Variants in INSC observed in about 807,000 individuals in gnomAD.
INSC encodes the protein INSC spindle orientation adaptor protein, also known as protein inscuteable homolog.
A neutral mutation model predicts 58.6 loss-of-function variants in INSC; 67 were observed. The ratio of observed to expected loss-of-function variants is 1.14; its 90% CI spans 0.94 to 1.40. The LOEUF (loss-of-function observed/expected upper bound fraction) is 1.40. Among genes scored for constraint, INSC ranks in the 40% most tolerant of loss-of-function variants. The probability of loss-of-function intolerance (pLI) is 0.00; values close to 1 mark genes in which losing one functional copy is unlikely to be tolerated. For synonymous variants in INSC, 262 were observed against 276.1 expected (o/e 0.95, Z 0.51); for missense variants, 714 against 692.0 (o/e 1.03, Z -0.36).
At chr11:15,172,630 G>A (rs1849439664) in intron 2 of INSC, among the ~76,000 whole-genome samples, 1 of 152,200 alleles carries the variant, frequency 6.6e-6, no homozygotes, top group Non-Finnish European at 1.5e-5. Flanking sequence ...GTCTTGCAGG[G>A]TGAGTAGAAA....
chr11:15,266,901 A>T, the INSC span, among the ~76,000 whole-genome samples: 4 of 152,110 alleles, frequency 2.6e-5, no homozygotes, highest in South Asian at 4.1e-4. Context: ...CTCAGAGATG[A>T]TGGGCTATAT....
chr11:15,140,560 T>C (rs1158756882), intron 1 of INSC, among the ~76,000 whole-genome samples: 2 of 151,940 alleles, frequency 1.3e-5, no homozygotes, highest in Admixed American at 1.3e-4. Flanking sequence ...GTCTTATTCT[T>C]TTTTTTGATT....
chr11:15,179,400 A>C (rs1294818048), intron 5 of INSC, among the ~76,000 whole-genome samples: 1 of 152,246 alleles, frequency 6.6e-6, no homozygotes, highest in African/African-American at 2.4e-5. Flanking sequence ...CCACCAAATA[A>C]AAGCCTACCA....
Position 15,240,407 on chromosome 11 carries a change from C to T in INSC, c.1394-40C>T, listed in dbSNP as rs572007538. 55 of 1,575,434 alleles carry T rather than the reference C, an allele frequency of 3.5e-5. No individual in the cohort carries two copies. In the South Asian group the frequency reaches 5.4e-4, roughly 15 times the overall value. On this transcript the variant is annotated intron_variant, in intron 11 of 12. Coordinates refer to ENST00000379556, the MANE Select transcript of INSC (RefSeq NM_001042536.3). ...AACCTCTGGGTCAGGCCTGGCTGGG[C>T]CCTGTCCTGGGCCTGAGGCTCTCCC...
In INSC at chr11:15,222,208, T is replaced by C. The variant is rs534590324; in HGVS notation, c.991+560T>C. Among the ~76,000 whole-genome samples the C allele has an allele frequency of 1.1e-4, 16 of 152,314 alleles. 2 individuals carry two copies. The highest frequency in any genetic ancestry group is 3.8e-4 in the African/African-American group (16 of 41,576). ...CCAGCAGGAGAATCATAGATCCGTA[T>C]CTAAAATATGCTCTTTTCTTAGTTT... On this transcript the variant is annotated intron_variant, in intron 8 of 12. Coordinates refer to ENST00000379556, the MANE Select transcript of INSC (RefSeq NM_001042536.3).
chr11:15,175,604 A>G, intron 2 of INSC, 137 bp from the exon 3 acceptor site: 1 of 551,684 alleles, frequency 1.8e-6, no homozygotes, highest in Non-Finnish European at 3.0e-6. Flanking sequence ...AATGACTGAG[A>G]ATATCAAGGT....
the INSC span, among the ~76,000 whole-genome samples, chr11:15,259,076 T>G: frequency 6.6e-6 from 1 of 152,288 alleles, no homozygotes; most frequent in African/African-American, 2.4e-5. Flanking sequence ...AAAGTTACTG[T>G]GTGGACATCT....
intron 2 of INSC, among the ~76,000 whole-genome samples, chr11:15,151,331 T>G (rs1848643533): frequency 6.6e-6 from 1 of 152,158 alleles, no homozygotes; most frequent in Admixed American, 6.5e-5. Context: ...AAAATTGTCT[T>G]CCACTAAACC....
chr11:15,235,026 G>A (rs1852067984), intron 9 of INSC: 1 of 165,998 alleles, frequency 6.0e-6, no homozygotes, highest in African/African-American at 2.4e-5. Context: ...GACTTGCAAT[G>A]TGCAGCTGAG....
At chr11:15,140,582 TC>T (rs1461412580) in intron 1 of INSC, among the ~76,000 whole-genome samples, 1 of 151,330 alleles carries the variant, frequency 6.6e-6, no homozygotes, top group Non-Finnish European at 1.5e-5. Flanking sequence ...CTTTCTTTCT[TC>T]TTTTTTTTTT....
chr11:15,197,454 C>T lies in INSC; in HGVS notation c.694-3370C>T, dbSNP rs76701415. The stretch of plus-strand genomic sequence containing the variant: ...GACAGTGATGCAGGAGCTGGGAGTC[C>T]CTGGCATGCCCTGCACAGCATCCTC... On this transcript the variant is annotated intron_variant, in intron 6 of 12. Transcript: ENST00000379556. 6.4e-3 allele frequency among the ~76,000 whole-genome samples: 974 copies of T among 152,246 alleles called. 12 individuals are homozygous for T. Among genetic ancestry groups the T allele is most frequent in the African/African-American group, 0.021 (877 of 41,544 alleles).
At chr11:15,180,650 GT>G (rs1343280663) in intron 5 of INSC, among the ~76,000 whole-genome samples, 2 of 129,604 alleles carry the variant, frequency 1.5e-5, no homozygotes, top group African/African-American at 2.9e-5. Context: ...GTTAGAGTGG[GT>G]TCCTTATTGG....
chr11:15,141,458 C>G (rs931390708), intron 1 of INSC, among the ~76,000 whole-genome samples: 2 of 152,128 alleles, frequency 1.3e-5, no homozygotes, highest in Non-Finnish European at 2.9e-5. Flanking sequence ...AGGATTCAGC[C>G]CTGCTCTGTG....
At chr11:15,249,711 G>C (rs962904475), downstream of INSC, among the ~76,000 whole-genome samples, 1 of 152,192 alleles carries the variant, frequency 6.6e-6, no homozygotes, top group Non-Finnish European at 1.5e-5. Flanking sequence ...GTGTGCTCCA[G>C]GGAAAGGTAG....
intron 1 of INSC, among the ~76,000 whole-genome samples, chr11:15,144,239 A>G (rs1038077720): frequency 6.6e-6 from 1 of 152,194 alleles, no homozygotes; most frequent in Non-Finnish European, 1.5e-5. Flanking sequence ...AGAAAGAAAG[A>G]TGAATGTTTA....
At chr11:15,261,620 T>C in the INSC span, among the ~76,000 whole-genome samples, 6 of 152,196 alleles carry the variant, frequency 3.9e-5, no homozygotes, top group African/African-American at 1.2e-4. Context: ...ATCTGAAATG[T>C]AAACTTTGGT....
intron 2 of INSC, among the ~76,000 whole-genome samples, chr11:15,172,477 T>A (rs1205763555): frequency 6.6e-6 from 1 of 152,216 alleles, no homozygotes; most frequent in African/African-American, 2.4e-5. Context: ...AAGAGACTGT[T>A]CCTCACAGGA....
chr11:15,114,249 G>A (rs1345378395), upstream of INSC, among the ~76,000 whole-genome samples: 1 of 133,678 alleles, frequency 7.5e-6, no homozygotes, highest in Non-Finnish European at 1.6e-5. Flanking sequence ...TCCAGGACGG[G>A]GGTGGGGGGT....
intron 3 of INSC, among the ~76,000 whole-genome samples, chr11:15,176,792 C>T (rs967720400): frequency 2.0e-5 from 3 of 152,150 alleles, no homozygotes; most frequent in Non-Finnish European, 4.4e-5. Context: ...CCCTTTGCCT[C>T]GAACTTTTCC....
Sources: allele counts gnomAD v4.1 joint callset (sites outside exome capture counted in the v4.1 genomes callset), GRCh38; gene constraint gnomAD v4.1.1; transcripts MANE v1.5; gene names NCBI Gene and HGNC (gene_info 2026-07-23, HGNC 2026-07-21).